The following GPHN variants were observed in gnomAD, a reference collection of about 807,000 sequenced individuals.
GPHN encodes the protein gephyrin.
GPHN carries 17 observed loss-of-function variants against 95.5 expected under a neutral mutation model. The observed-to-expected ratio is 0.18, with a 90% confidence interval of 0.12 to 0.27. GPHN has a LOEUF of 0.27. Among genes scored for constraint, GPHN ranks in the 10% least tolerant of loss-of-function variants. The pLI, the probability that GPHN is intolerant of heterozygous loss-of-function variation, is 1.00. For synonymous variants in GPHN, 320 were observed against 322.5 expected (o/e 0.99, Z 0.08); for missense variants, 660 against 978.1 (o/e 0.67, Z 4.34).
chr14:67,088,209 A>G (rs1346920734), intron 11 of GPHN, among the ~76,000 whole-genome samples: 1 of 152,174 alleles, frequency 6.6e-6, no homozygotes, highest in Non-Finnish European at 1.5e-5. Context: ...GGATTAAAAA[A>G]TGATGCATTC....
intron 3 of GPHN, among the ~76,000 whole-genome samples, chr14:66,819,658 C>T (rs1957296): frequency 0.076 from 11,515 of 151,456 alleles, 1,084 homozygotes; most frequent in African/African-American, 0.22. Flanking sequence ...CTTAGGACCA[C>T]GTTGGCTATT....
At chr14:66,596,379 G>T (rs943459439) in intron 1 of GPHN, among the ~76,000 whole-genome samples, 2 of 151,978 alleles carry the variant, frequency 1.3e-5, no homozygotes, top group African/African-American at 2.4e-5. Context: ...TTCCATCTAG[G>T]CCTGTCTGCC....
chr14:67,557,448 G>A, the GPHN span: 1 of 1,604,786 alleles, frequency 6.2e-7, no homozygotes, highest in South Asian at 1.1e-5. Flanking sequence ...GGAGCACCAT[G>A]CCCTCTTCGA....
intron 4 of GPHN, among the ~76,000 whole-genome samples, chr14:66,837,618 T>A (rs924847245): frequency 1.0e-3 from 59 of 58,800 alleles, no homozygotes; most frequent in Middle Eastern, 7.1e-3. Flanking sequence ...TAAATAAAAA[T>A]AAATAAATAA....
intron 4 of GPHN, among the ~76,000 whole-genome samples, chr14:66,849,214 A>G (rs1054272736): frequency 1.3e-5 from 2 of 151,946 alleles, no homozygotes; most frequent in African/African-American, 4.8e-5. Flanking sequence ...CATATAATGT[A>G]AGCTTTTCTT....
chr14:67,275,855 A>G, the GPHN span, among the ~76,000 whole-genome samples: 36 of 152,140 alleles, frequency 2.4e-4, 2 homozygotes, highest in South Asian at 8.3e-4. Flanking sequence ...TTGGGAGGGT[A>G]TATGTGTCCA....
intron 21 of GPHN, among the ~76,000 whole-genome samples, chr14:67,169,321 T>C (rs573771426): frequency 6.6e-6 from 1 of 152,264 alleles, no homozygotes; most frequent in South Asian, 2.1e-4. Flanking sequence ...AAACAGTCAA[T>C]AGGATATATC....
intron 5 of GPHN, among the ~76,000 whole-genome samples, chr14:66,910,499 C>CTGCA (rs2153554979): frequency 1.3e-5 from 2 of 152,046 alleles, no homozygotes; most frequent in African/African-American, 4.8e-5. Context: ...TACAGTAAAA[C>CTGCA]TGCACATCTG....
At chr14:67,457,428 C>G in the GPHN span, among the ~76,000 whole-genome samples, 2 of 152,158 alleles carry the variant, frequency 1.3e-5, no homozygotes, top group Admixed American at 6.5e-5. Flanking sequence ...AAGAGAGACC[C>G]TGTCTCTGCA....
chr14:66,676,533 A>G (rs1299513367), intron 1 of GPHN, among the ~76,000 whole-genome samples: 1 of 152,010 alleles, frequency 6.6e-6, no homozygotes, highest in Non-Finnish European at 1.5e-5. Context: ...ATTTTATCAG[A>G]TGCTTTCTTT....
At chr14:67,452,101 G>A in the GPHN span, among the ~76,000 whole-genome samples, 1 of 152,160 alleles carries the variant, frequency 6.6e-6, no homozygotes, top group Non-Finnish European at 1.5e-5. Context: ...GGAGGCTGAG[G>A]TGGGTGGATC....
chr14:66,624,503 AG>A (rs2063444231), intron 1 of GPHN, among the ~76,000 whole-genome samples: 1 of 152,200 alleles, frequency 6.6e-6, no homozygotes, highest in African/African-American at 2.4e-5. Flanking sequence ...TTAAGTGAAA[AG>A]CTAATGGTGT....
At chr14:67,406,417 T>C in the GPHN span, among the ~76,000 whole-genome samples, 1 of 151,956 alleles carries the variant, frequency 6.6e-6, no homozygotes, top group Non-Finnish European at 1.5e-5. Flanking sequence ...TCTTCCTGGT[T>C]GTGTGGAGTT....
At chr14:66,880,167 A>C in intron 5 of GPHN, 134 bp downstream of exon 5, 2 of 693,150 alleles carry the variant, frequency 2.9e-6, no homozygotes, top group Non-Finnish European at 5.3e-6. Context: ...GCTTATACTA[A>C]TCACTTAATA....
At chr14:66,515,904 G>A (rs1347361101) in intron 1 of GPHN, among the ~76,000 whole-genome samples, 2 of 152,158 alleles carry the variant, frequency 1.3e-5, no homozygotes, top group East Asian at 1.9e-4. Context: ...ACACATTCAT[G>A]CTTCATTTAT....
intron 3 of GPHN, among the ~76,000 whole-genome samples, chr14:66,802,768 G>A (rs112448617): frequency 0.011 from 1,658 of 152,240 alleles, 26 homozygotes; most frequent in African/African-American, 0.037. Flanking sequence ...GGCCTAGAAC[G>A]AGGACCTCAT....
chr14:66,728,515 A>G (rs151198090), intron 2 of GPHN, among the ~76,000 whole-genome samples: 77 of 152,342 alleles, frequency 5.1e-4, no homozygotes, highest in African/African-American at 1.7e-3. Context: ...AGACCATAGG[A>G]ACCCACCTTT....
chr14:66,813,284 C>A (rs1036095477), intron 3 of GPHN, among the ~76,000 whole-genome samples: 3 of 152,084 alleles, frequency 2.0e-5, no homozygotes, highest in African/African-American at 7.2e-5. Context: ...GGCAAGATGG[C>A]CAACTAGACA....
At chr14:66,566,895 G>C (rs542706580) in intron 1 of GPHN, among the ~76,000 whole-genome samples, 13 of 152,144 alleles carry the variant, frequency 8.5e-5, no homozygotes, top group Non-Finnish European at 8.8e-5. Flanking sequence ...TTGGAGTATA[G>C]ATTTGGCTGT....
Sources: allele counts gnomAD v4.1 joint callset (sites outside exome capture counted in the v4.1 genomes callset), GRCh38; gene constraint gnomAD v4.1.1; transcripts MANE v1.5; gene names NCBI Gene and HGNC (gene_info 2026-07-23, HGNC 2026-07-21).